The following TIPARP variants were observed in gnomAD, a reference collection of about 807,000 sequenced individuals.
The protein encoded by TIPARP is protein mono-ADP-ribosyltransferase TIPARP.
A neutral mutation model predicts 56.5 loss-of-function variants in TIPARP; 12 were observed. That is an observed-to-expected ratio of 0.21 (90% CI 0.14 to 0.34). The LOEUF is 0.34. Ranked by LOEUF, TIPARP falls within the 10% of genes least tolerant of loss-of-function variation. The pLI is 1.00. For missense variants in TIPARP, 604 were observed against 781.6 expected (o/e 0.77, Z 2.71); for synonymous variants, 296 against 265.7 (o/e 1.11, Z -1.11).
chr3:156,701,986 C>T (rs1722853991), intron 4 of TIPARP, among the ~76,000 whole-genome samples: 2 of 138,896 alleles, frequency 1.4e-5, no homozygotes, highest in Non-Finnish European at 3.0e-5. Context: ...TCTTGAAAGT[C>T]ATCTCCTAAA....
At chr3:156,680,515 A>G (rs1476150149) in intron 2 of TIPARP, among the ~76,000 whole-genome samples, 1 of 152,174 alleles carries the variant, frequency 6.6e-6, no homozygotes, top group Non-Finnish European at 1.5e-5. Context: ...CTTCACCTTC[A>G]TGAAGCAAAT....
chr3:156,702,756 T>G (rs1722883206), intron 4 of TIPARP, among the ~76,000 whole-genome samples: 1 of 152,192 alleles, frequency 6.6e-6, no homozygotes, highest in Non-Finnish European at 1.5e-5. Context: ...GTAACAGACA[T>G]GAATTTAAAG....
chr3:156,688,142 T>A (rs168245), intron 2 of TIPARP, among the ~76,000 whole-genome samples: 145,045 of 152,202 alleles, frequency 0.95, 69,152 homozygotes, highest in Middle Eastern at 0.99. Flanking sequence ...TAATCTTAGC[T>A]TTTTGGAAGG....
intron 3 of TIPARP, 30 bp downstream of exon 3, chr3:156,694,218 A>G: frequency 6.5e-7 from 1 of 1,545,932 alleles, no homozygotes; most frequent in East Asian, 2.3e-5. Flanking sequence ...TGACAAGTAC[A>G]TTTTTCAAAT....
In TIPARP at chr3:156,678,536, G is replaced by A. The variant is rs1438383637; in HGVS notation, c.839G>A (p.Ser280Asn). ...IKRTTTQKWQ[S>N]VFNDSQEHLE... Reference sequence around the variant, plus strand: ...AGGACAACTACTCAAAAGTGGCAGAGTGTATTCAATGATTCTCAGGAGCAC... The same window carrying A: ...AGGACAACTACTCAAAAGTGGCAGAATGTATTCAATGATTCTCAGGAGCAC... Residue 280 changes from serine to asparagine, a missense_variant, in exon 2 of 6, where the codon AGT becomes AAT. By Grantham distance (46) the Ser-to-Asn change is conservative. Transcript: ENST00000295924. 1.9e-6 allele frequency: 3 copies of A among 1,614,080 alleles called. No individual in the cohort carries two copies. The African/African-American group carries it at 4.0e-5, about 22-fold the overall frequency.
At chr3:156,703,330 A>G (rs1405670483) in intron 4 of TIPARP, 94 bp from the exon 5 acceptor site, 26 of 1,283,530 alleles carry the variant, frequency 2.0e-5, no homozygotes, top group Non-Finnish European at 1.1e-6. Flanking sequence ...TATACAGATT[A>G]TAATATTAAG....
intron 4 of TIPARP, among the ~76,000 whole-genome samples, chr3:156,701,892 C>T (rs1387955667): frequency 2.6e-5 from 4 of 152,202 alleles, no homozygotes; most frequent in Non-Finnish European, 4.4e-5. Flanking sequence ...CACAAAGAGA[C>T]TTTGAGGCAC....
In TIPARP at chr3:156,704,865, A is replaced by G; in HGVS notation, c.1708A>G (p.Ser570Gly). 1 of 1,614,238 alleles carries G rather than the reference A, an allele frequency of 6.2e-7. No individual in the cohort carries two copies. Among genetic ancestry groups the G allele is most frequent in the Non-Finnish European group, 8.5e-7 (1 of 1,180,044 alleles). ...AGGCAGTTATTTTGCAAAGAAGGCA[A>G]GCTACTCTCATAACTTTTCTAAGAA... ...GQGSYFAKKA[S>G]YSHNFSKKSS... is the part of the protein sequence containing the mutation. The change falls in exon 6 of 6, where the codon AGC (serine) becomes GGC (glycine). Residue 570 changes from serine (S) to glycine (G), a missense_variant. By Grantham distance (56) the Ser-to-Gly change is moderately conservative. Transcript: ENST00000295924.
At chr3:156,697,600 T>G (rs1025287313) in intron 4 of TIPARP, among the ~76,000 whole-genome samples, 4 of 152,142 alleles carry the variant, frequency 2.6e-5, no homozygotes, top group African/African-American at 9.7e-5. Flanking sequence ...AAATTGAAGG[T>G]CTGTGGCAGC....
intron 2 of TIPARP, among the ~76,000 whole-genome samples, chr3:156,691,431 C>G (rs919897894): frequency 6.6e-6 from 1 of 152,140 alleles, no homozygotes; most frequent in Admixed American, 6.6e-5. Flanking sequence ...GCTTCTTTGG[C>G]TTACATTTTG....
intron 2 of TIPARP, among the ~76,000 whole-genome samples, chr3:156,687,165 C>T (rs1313517055): frequency 6.6e-6 from 1 of 152,196 alleles, no homozygotes; most frequent in Non-Finnish European, 1.5e-5. Flanking sequence ...TTAAGTTTCA[C>T]TTTCTCATCA....
chr3:156,696,612 G>C (rs1336549900), intron 4 of TIPARP, among the ~76,000 whole-genome samples: 1 of 152,182 alleles, frequency 6.6e-6, no homozygotes, highest in Non-Finnish European at 1.5e-5. Flanking sequence ...CTTCTGAATT[G>C]TAGGTGAGCT....
intron 2 of TIPARP, among the ~76,000 whole-genome samples, chr3:156,693,497 G>A (rs529977634): frequency 6.6e-6 from 1 of 152,168 alleles, no homozygotes; most frequent in South Asian, 2.1e-4. Context: ...TAATATTGAT[G>A]TTGGGTGGAT....
chr3:156,686,506 A>G (rs1722431841), intron 2 of TIPARP, among the ~76,000 whole-genome samples: 1 of 152,202 alleles, frequency 6.6e-6, no homozygotes, highest in Admixed American at 6.5e-5. Context: ...TCAAATCTCT[A>G]GTCTGCTGAA....
chr3:156,693,395 A>T lies in TIPARP; in HGVS notation c.918-625A>T, dbSNP rs1722627686. 2.0e-5 allele frequency among the ~76,000 whole-genome samples: 3 copies of T among 152,336 alleles called. No homozygotes were observed. In the South Asian group the frequency reaches 6.2e-4, roughly 32 times the overall value. On this transcript the variant is annotated intron_variant, in intron 2 of 5. Coordinates refer to ENST00000295924, the MANE Select transcript of TIPARP (RefSeq NM_015508.5). ...CAGCAGTCGACCAGATAATAAGATG[A>T]CCAAAATATTCTCAAAGCTAAACCT... is the stretch of plus-strand genomic sequence containing the variant.
rs146547620 is a variant in TIPARP at position 156,704,718 on chromosome 3, C to A, written c.1561C>A (p.Arg521Ser). ...ATATATGAACAGGAAAATGTTTGGC[C>A]GTGACAGGATAATAAATGAGAGACA... ...KEYMNRKMFG[R>S]DRIINERHLF... is the part of the protein sequence containing the mutation. Residue 521 changes from arginine (R) to serine (S), a missense_variant, in exon 6 of 6, where the codon CGT becomes AGT. By Grantham distance (110) the Arg-to-Ser change is moderately radical (BLOSUM62 -1). Around this residue, in one of 4 missense-constraint regions of TIPARP, gnomAD observed 252 missense variants for 303.9 expected, o/e 0.83. Coordinates refer to ENST00000295924, the MANE Select transcript of TIPARP (RefSeq NM_015508.5). 1 of 1,613,940 alleles carries A rather than the reference C, an allele frequency of 6.2e-7. No homozygotes were observed. The highest frequency in any genetic ancestry group is 2.2e-5 in the East Asian group (1 of 44,886).
At chr3:156,685,297 G>A (rs1303998410) in intron 2 of TIPARP, among the ~76,000 whole-genome samples, 1 of 152,180 alleles carries the variant, frequency 6.6e-6, no homozygotes, top group Non-Finnish European at 1.5e-5. Flanking sequence ...TCTGCTCTAT[G>A]CTGTTTACTT....
chr3:156,703,438 T>C lies in TIPARP; in HGVS notation c.1262T>C (p.Val421Ala). The C allele has an allele frequency of 2.5e-6, 4 of 1,613,984 alleles. No homozygotes were observed. Among genetic ancestry groups the C allele is most frequent in the South Asian group, 1.1e-5 (1 of 91,048 alleles). Residue 421 changes from valine to alanine, a missense_variant, in exon 5 of 6, where the codon GTT (valine) becomes GCT (alanine). Physicochemically the swap from Val to Ala is moderately conservative, Grantham distance 64 (BLOSUM62 0). Around this residue, in one of 4 missense-constraint regions of TIPARP, gnomAD observed 252 missense variants for 303.9 expected, o/e 0.83. Coordinates refer to ENST00000295924, the MANE Select transcript of TIPARP (RefSeq NM_015508.5). ...LLPYLQTLGG[V>A]PTQAPPPLEA... Reference sequence around the variant, plus strand: ...CTCCATTTTAGGACACTTGGTGGGGTTCCCACACAAGCTCCTCCACCTCTT... The same window carrying C: ...CTCCATTTTAGGACACTTGGTGGGGCTCCCACACAAGCTCCTCCACCTCTT...
intron 4 of TIPARP, 82 bp from the exon 5 acceptor site, chr3:156,703,342 A>G (rs1031032575): frequency 1.5e-6 from 2 of 1,363,404 alleles, no homozygotes; most frequent in East Asian, 4.6e-5. Flanking sequence ...AATATTAAGT[A>G]GACACTGATA....
Sources: gnomAD v4.1 joint callset for allele counts (sites outside exome capture counted in the v4.1 genomes callset) on GRCh38, gnomAD v4.1.1 for gene constraint, gnomAD v4.1.1 regional missense constraint, MANE v1.5 for transcripts, NCBI Gene and HGNC (gene_info 2026-07-23, HGNC 2026-07-21) for gene names.